The following PLEKHM1 variants were observed in gnomAD, a reference collection of about 807,000 sequenced individuals.
The protein encoded by PLEKHM1 is pleckstrin homology domain-containing family M member 1.
In PLEKHM1, 28 loss-of-function variants were observed where a neutral mutation model predicts 94.3. The ratio of observed to expected loss-of-function variants is 0.30; its 90% CI spans 0.22 to 0.41. PLEKHM1 has a LOEUF of 0.41. Ranked by LOEUF, PLEKHM1 falls within the 10% of genes least tolerant of loss-of-function variation. The probability of loss-of-function intolerance (pLI) is 1.00; values close to 1 mark genes in which losing one functional copy is unlikely to be tolerated. For synonymous variants in PLEKHM1, 424 were observed against 581.2 expected, an observed-to-expected ratio of 0.73 and a Z score of 3.89; for missense variants, 907 against 1,358.6, an observed-to-expected ratio of 0.67 and a Z score of 5.22.
rs2050925182 is a variant in PLEKHM1 at position 45,455,723 on chromosome 17, C to T, written c.1580-1451G>A. Among the ~76,000 whole-genome samples the T allele has an allele frequency of 3.3e-5, 5 of 152,324 alleles. No homozygotes were observed. The South Asian group carries it at 6.2e-4, about 19-fold the overall frequency. ...TCCCCGCCTCTCCCCAGCTGCACCC[C>T]ACCCACTGTCATCTCTGGCCTGGCT... is the stretch of plus-strand genomic sequence containing the variant. On this transcript the variant is annotated intron_variant, in intron 6 of 11. Coordinates refer to ENST00000430334, the MANE Select transcript of PLEKHM1 (RefSeq NM_014798.3).
In PLEKHM1 at chr17:45,468,449, T is replaced by G; in HGVS notation, c.1068A>C (p.Ala356=). 6.2e-7 allele frequency: 1 copy of G among 1,614,260 alleles called. No homozygotes were observed. Among genetic ancestry groups the G allele is most frequent in the South Asian group, 1.1e-5 (1 of 91,088 alleles). ...TSTYLHCEAP[A]EPLPAQAASG... ...AGGCTGCCTGGGCAGGAAGGGGCTC[T>G]GCAGGTGCCTCACAGTGCAGGTATG... is the stretch of plus-strand genomic sequence containing the variant. Residue 356 remains alanine, a synonymous_variant, in exon 5 of 12, where the codon GCA becomes GCC. Transcript: ENST00000430334.
intron 4 of PLEKHM1, among the ~76,000 whole-genome samples, chr17:45,469,413 C>T (rs1047508678): frequency 6.6e-6 from 1 of 152,198 alleles, no homozygotes; most frequent in Non-Finnish European, 1.5e-5. Flanking sequence ...CTGGAATGTG[C>T]ACTGACTAGC....
At position 45,451,581 on chromosome 17, in the gene PLEKHM1, C is replaced by T. The variant is rs549271456; in HGVS notation, c.2498-818G>A. Reference sequence around the variant, plus strand: ...CCATTTCAGTGACTGTAAAATTCAGCTACTACCAGCTATTTTGTGGGGTTA... The same window carrying T: ...CCATTTCAGTGACTGTAAAATTCAGTTACTACCAGCTATTTTGTGGGGTTA... On this transcript the variant is annotated intron_variant, in intron 7 of 11. Coordinates refer to ENST00000430334, the MANE Select transcript of PLEKHM1 (RefSeq NM_014798.3). 2.6e-5 allele frequency among the ~76,000 whole-genome samples: 4 copies of T among 152,238 alleles called. No individual in the cohort carries two copies. In the East Asian group the frequency reaches 7.7e-4, roughly 29 times the overall value.
At chr17:45,451,793 T>A (rs2145208396) in intron 7 of PLEKHM1, among the ~76,000 whole-genome samples, 1 of 152,130 alleles carries the variant, frequency 6.6e-6, no homozygotes, top group Admixed American at 6.5e-5. Flanking sequence ...CCCCGCAGCA[T>A]TCACACCCAC....
At chr17:45,467,981 G>A (rs1455583060) in intron 5 of PLEKHM1, among the ~76,000 whole-genome samples, 1 of 151,956 alleles carries the variant, frequency 6.6e-6, no homozygotes, top group African/African-American at 2.4e-5. Context: ...GCACAGTGCC[G>A]GGCTTATATC....
At chr17:45,478,504 C>G (rs1188494635) in intron 2 of PLEKHM1, among the ~76,000 whole-genome samples, 1 of 152,112 alleles carries the variant, frequency 6.6e-6, no homozygotes, top group South Asian at 2.1e-4. Context: ...GTGATGGGAG[C>G]TTGGGTAAAT....
In PLEKHM1 at chr17:45,473,622, G is replaced by C. The variant is rs113745713; in HGVS notation, c.923+1478C>G. 2.8e-3 allele frequency among the ~76,000 whole-genome samples: 427 copies of C among 151,582 alleles called. 2 individuals are homozygous for C. Among genetic ancestry groups the C allele is most frequent in the South Asian group, 0.015 (74 of 4,786 alleles). ...CACCCAGGCTGGAGTGCAGTGGCACGATCTCGGCTCACTGCAAGCTCCGCC... is the reference window on the plus strand; with the variant it reads ...CACCCAGGCTGGAGTGCAGTGGCACCATCTCGGCTCACTGCAAGCTCCGCC... On this transcript the variant is annotated intron_variant, in intron 4 of 11. Transcript: ENST00000430334.
In PLEKHM1 at chr17:45,458,204, T is replaced by C. The variant is rs1471210969; in HGVS notation, c.1544A>G (p.His515Arg). The C allele has an allele frequency of 1.9e-6, 3 of 1,613,714 alleles. No homozygotes were observed. Among genetic ancestry groups the C allele is most frequent in the Non-Finnish European group, 2.5e-6 (3 of 1,179,772 alleles). ...RQAQAAPSQG[H>R]KSFRVVHRRQ... ...CCGGTGTACCACCCGGAAGCTCTTA[T>C]GCCCCTGGGATGGGGCTGCCTGGGC... The change falls in exon 6 of 12, where the codon CAT becomes CGT. Residue 515 changes from histidine to arginine, a missense_variant. This residue lies in a region of PLEKHM1 where 477 missense variants were observed against 601.5 expected (regional missense o/e 0.79). Coordinates refer to ENST00000430334, the MANE Select transcript of PLEKHM1 (RefSeq NM_014798.3).
rs929005096 is a variant in PLEKHM1 at position 45,475,567 on chromosome 17, G to A, written c.456C>T (p.Thr152=). The change falls in exon 4 of 12, where the codon ACC becomes ACT. Residue 152 remains threonine, a synonymous_variant. Coordinates refer to ENST00000430334, the MANE Select transcript of PLEKHM1 (RefSeq NM_014798.3). ...QARLHEYYQP[T]ALLRDAEEGE... ...CCTCCTCAGCATCCCGGAGCAGGGC[G>A]GTGGGCTGGTAGTACTCATGCAAGC... The A allele has an allele frequency of 1.2e-5, 20 of 1,613,578 alleles. No homozygotes were observed. Among genetic ancestry groups the A allele is most frequent in the African/African-American group, 1.2e-4 (9 of 74,910 alleles).
chr17:45,482,568 T>C (rs1567807260), intron 1 of PLEKHM1, 43 bp from the exon 2 acceptor site: 3 of 1,067,178 alleles, frequency 2.8e-6, no homozygotes, highest in South Asian at 2.6e-5. Flanking sequence ...CAGGGAACTT[T>C]CCCCCAGCCA....
rs2050840434 is a variant in PLEKHM1 at position 45,453,542 on chromosome 17, A to G, written c.2310T>C (p.Asp770=). The change falls in exon 7 of 12, where the codon GAT becomes GAC. Residue 770 remains aspartate, a synonymous_variant. Coordinates refer to ENST00000430334, the MANE Select transcript of PLEKHM1 (RefSeq NM_014798.3). The surrounding 1 kb of genome is among the most constrained non-coding windows in gnomAD (Gnocchi z 4.1). Reference sequence around the variant, plus strand: ...AGGATGCCAGGACTTTGCGGACCAGATCCCTCCACAGGGCGGCTTCCTCGG... The same window carrying G: ...AGGATGCCAGGACTTTGCGGACCAGGTCCCTCCACAGGGCGGCTTCCTCGG... ...GNAEEAALWR[D]LVRKVLASYL... 3 of 1,606,130 alleles carry G rather than the reference A, an allele frequency of 1.9e-6. No individual in the cohort carries two copies. In the East Asian group the frequency reaches 6.7e-5, roughly 36 times the overall value.
intron 9 of PLEKHM1, 87 bp from the exon 10 acceptor site, chr17:45,440,313 C>T: frequency 7.5e-7 from 1 of 1,338,750 alleles, no homozygotes; most frequent in South Asian, 1.2e-5. Context: ...CCTGGCGCTG[C>T]TCACCAGGCA....
chr17:45,478,830 CA>C (rs1042374124), intron 2 of PLEKHM1, among the ~76,000 whole-genome samples: 1 of 151,456 alleles, frequency 6.6e-6, no homozygotes, highest in Non-Finnish European at 1.5e-5. Context: ...GACCTTGTCT[CA>C]AAAAAAGAAA....
rs2684650 is a variant in PLEKHM1, at chr17:45,444,371, C to T, written c.2837+1099G>A. 3.9e-5 allele frequency among the ~76,000 whole-genome samples: 6 copies of T among 152,272 alleles called. 1 individual carries two copies. Among genetic ancestry groups the T allele is most frequent in the African/African-American group, 1.4e-4 (6 of 41,558 alleles). On this transcript the variant is annotated intron_variant, in intron 9 of 11. Transcript: ENST00000430334. The surrounding 1 kb of genome is among the most constrained non-coding windows in gnomAD (Gnocchi z 5.0). The stretch of plus-strand genomic sequence containing the variant: ...TGGGCGTGACCTGAGGACTAGGAAG[C>T]GTTTATGACAGGCATGGAGAGGCCT...
At chr17:45,470,837 G>GT (rs1206218603) in intron 4 of PLEKHM1, among the ~76,000 whole-genome samples, 58 of 98,958 alleles carry the variant, frequency 5.9e-4, no homozygotes, top group South Asian at 1.4e-3. Flanking sequence ...TTTTTGTATT[G>GT]TTTTTTTTTT....
Position 45,453,081 on chromosome 17 carries a change from G to A in PLEKHM1, c.2497+274C>T, listed in dbSNP as rs151150419. The A allele has an allele frequency of 1.0e-3, 615 of 595,012 alleles. 5 individuals carry two copies. Among genetic ancestry groups the A allele is most frequent in the African/African-American group, 0.01 (542 of 53,998 alleles). The allele number at this position is 595,012 out of a possible 1,614,324, so 36.9% of individuals were successfully genotyped here. On this transcript the variant is annotated intron_variant, in intron 7 of 11. Coordinates refer to ENST00000430334, the MANE Select transcript of PLEKHM1 (RefSeq NM_014798.3). This position sits in a 1 kb window ranked among gnomAD's most constrained non-coding sequence, Gnocchi z 4.1. The stretch of plus-strand genomic sequence containing the variant: ...AATGAAGCAGGCTGGGACTCCCTGA[G>A]CAGCGCAGTGAGTAGCCAGCCTGCC...
chr17:45,461,169 G>A (rs1218166815), intron 5 of PLEKHM1, among the ~76,000 whole-genome samples: 1 of 152,250 alleles, frequency 6.6e-6, no homozygotes, highest in African/African-American at 2.4e-5. Context: ...TTGCAGGCAT[G>A]AGCGACCGCG....
In PLEKHM1 at chr17:45,458,415, C is replaced by T; in HGVS notation, c.1333G>A (p.Asp445Asn). The T allele has an allele frequency of 6.2e-7, 1 of 1,613,680 alleles. No individual in the cohort carries two copies. The highest frequency in any genetic ancestry group is 8.5e-7 in the Non-Finnish European group (1 of 1,179,590). Residue 445 changes from aspartate to asparagine, a missense_variant, in exon 6 of 12, where the codon GAT becomes AAT. Coordinates refer to ENST00000430334, the MANE Select transcript of PLEKHM1 (RefSeq NM_014798.3). ...SPKNKSWISEDDFYRPSREQP... is the reference protein window; with the variant it reads ...SPKNKSWISENDFYRPSREQP... ...TCCCGGGAAGGCCGGTAGAAGTCAT[C>T]CTCTGAGATCCAGCTCTTGTTTTTC...
rs1327102130 is a variant in PLEKHM1, at chr17:45,436,933, C to G, written c.*925G>C. 2 of 448,406 alleles carry G rather than the reference C, an allele frequency of 4.5e-6. No homozygotes were observed. The highest frequency in any genetic ancestry group is 7.0e-4 in the Middle Eastern group (1 of 1,428). The allele number at this position is 448,406 out of a possible 1,614,324, so 27.8% of individuals were successfully genotyped here. On this transcript the variant is annotated 3_prime_UTR_variant, in exon 12 of 12. Coordinates refer to ENST00000430334, the MANE Select transcript of PLEKHM1 (RefSeq NM_014798.3). ...GGTCAGTCAGGCAGAGAGTGTGACC[C>G]CGGGCACCCACCAAGGTGGGCCTGG...
Sources: allele counts gnomAD v4.1 joint callset (sites outside exome capture counted in the v4.1 genomes callset), GRCh38; gene constraint gnomAD v4.1.1; regional missense constraint gnomAD v4.1.1; non-coding constraint Gnocchi (gnomAD v3.1); transcripts MANE v1.5; gene names NCBI Gene and HGNC (gene_info 2026-07-23, HGNC 2026-07-21).